Variants in YY1 observed in about 807,000 individuals in gnomAD.
The protein encoded by YY1 is transcriptional repressor protein YY1.
Under a neutral mutation model 35.6 loss-of-function variants are expected in YY1, and 2 were observed. That is an observed-to-expected ratio of 0.06 (90% CI 0.02 to 0.18). The LOEUF (loss-of-function observed/expected upper bound fraction) is 0.18. Among genes scored for constraint, YY1 ranks in the 10% least tolerant of loss-of-function variants. The probability of loss-of-function intolerance (pLI) is 1.00; values close to 1 mark genes in which losing one functional copy is unlikely to be tolerated. For missense variants in YY1, 322 were observed against 573.4 expected, an observed-to-expected ratio of 0.56 and a Z score of 4.48; for synonymous variants, 268 against 238.9, an observed-to-expected ratio of 1.12 and a Z score of -1.12.
At chr14:100,247,050 A>G (rs1890843997) in intron 1 of YY1, among the ~76,000 whole-genome samples, 1 of 152,258 alleles carries the variant, frequency 6.6e-6, no homozygotes, top group Admixed American at 6.5e-5. Flanking sequence ...AATCCGTATC[A>G]GGAAAAGGTC....
chr14:100,251,929 C>A (rs1057086193), intron 1 of YY1, among the ~76,000 whole-genome samples: 7 of 152,050 alleles, frequency 4.6e-5, no homozygotes, highest in Non-Finnish European at 8.8e-5. Flanking sequence ...TGCCTGGCCT[C>A]ATTGTTTAAT....
At chr14:100,241,346 C>T (rs993865661) in intron 1 of YY1, among the ~76,000 whole-genome samples, 2 of 151,998 alleles carry the variant, frequency 1.3e-5, no homozygotes, top group East Asian at 1.9e-4. Context: ...CGTTAAAATT[C>T]GGAGGAATGA....
intron 2 of YY1, among the ~76,000 whole-genome samples, chr14:100,263,379 A>C (rs970239626): frequency 2.6e-5 from 4 of 152,346 alleles, no homozygotes; most frequent in African/African-American, 9.6e-5. Flanking sequence ...TGACAGGAGG[A>C]GATCAAGTAT....
intron 1 of YY1, among the ~76,000 whole-genome samples, chr14:100,241,828 G>C (rs1890747860): frequency 6.6e-6 from 1 of 152,038 alleles, no homozygotes; most frequent in Admixed American, 6.6e-5. Context: ...ATAAAAATTA[G>C]CCAGGCGTGA....
intron 1 of YY1, among the ~76,000 whole-genome samples, chr14:100,261,658 A>T (rs928585165): frequency 2.0e-5 from 3 of 152,228 alleles, no homozygotes; most frequent in Non-Finnish European, 4.4e-5. Context: ...TGGAAATTGC[A>T]TGAATAAACA....
At chr14:100,254,582 C>T (rs1473985022) in intron 1 of YY1, among the ~76,000 whole-genome samples, 3 of 151,974 alleles carry the variant, frequency 2.0e-5, no homozygotes, top group Non-Finnish European at 2.9e-5. Flanking sequence ...CTCAGTCTCC[C>T]GAGTGGCTGG....
intron 2 of YY1, among the ~76,000 whole-genome samples, chr14:100,267,206 C>T (rs759812575): frequency 1.8e-4 from 28 of 151,956 alleles, no homozygotes; most frequent in Non-Finnish European, 3.8e-4. Context: ...AAAAATGGGG[C>T]CTAATTTTGA....
chr14:100,254,368 T>C (rs528448572), intron 1 of YY1, among the ~76,000 whole-genome samples: 12 of 152,336 alleles, frequency 7.9e-5, no homozygotes, highest in South Asian at 4.1e-4. Context: ...AGGTCAAATA[T>C]TGTCCTTTTG....
At chr14:100,255,257 CA>C (rs969615645) in intron 1 of YY1, among the ~76,000 whole-genome samples, 14 of 151,998 alleles carry the variant, frequency 9.2e-5, no homozygotes, top group African/African-American at 2.9e-4. Flanking sequence ...ACAATAACCA[CA>C]AAAATTATTT....
intron 1 of YY1, 145 bp downstream of exon 1, chr14:100,240,068 G>GCGC (rs1890705304): frequency 1.3e-6 from 1 of 752,702 alleles, no homozygotes; most frequent in South Asian, 6.3e-5. Flanking sequence ...GGCGGCGGGG[G>GCGC]CGCGGCGGCG....
At chr14:100,261,851 G>A (rs887973148) in intron 1 of YY1, among the ~76,000 whole-genome samples, 18 of 152,118 alleles carry the variant, frequency 1.2e-4, no homozygotes, top group African/African-American at 4.1e-4. Flanking sequence ...TGGTGTGAGT[G>A]AAAAGCCGAA....
intron 3 of YY1, chr14:100,275,933 T>G (rs1365814063): frequency 6.3e-6 from 1 of 159,224 alleles, no homozygotes; most frequent in African/African-American, 2.4e-5. Flanking sequence ...AAAATAAATT[T>G]CTTCTGTAGT....
rs755096627 is a variant in YY1 at position 100,274,769 on chromosome 14, C to G, written c.903+11C>G. 1.9e-6 allele frequency: 3 copies of G among 1,611,824 alleles called. No homozygotes were observed. The highest frequency in any genetic ancestry group is 2.5e-6 in the Non-Finnish European group (3 of 1,178,106). On this transcript the variant is annotated intron_variant, in intron 3 of 4. Transcript: ENST00000262238. ...GCTTGCCCTCATAAAGTAAGTAATG[C>G]TAGAGGGAGAGTGTTCATTAAACTG...
intron 2 of YY1, among the ~76,000 whole-genome samples, chr14:100,265,911 G>A (rs529323466): frequency 2.2e-4 from 34 of 152,076 alleles, no homozygotes; most frequent in African/African-American, 8.0e-4. Flanking sequence ...CCTCCCAAAG[G>A]GCTGGGATTA....
intron 1 of YY1, among the ~76,000 whole-genome samples, chr14:100,241,656 A>G (rs1399942668): frequency 1.3e-5 from 2 of 152,228 alleles, no homozygotes; most frequent in Non-Finnish European, 2.9e-5. Flanking sequence ...TCAAGAGATT[A>G]CATACTGATC....
intron 2 of YY1, among the ~76,000 whole-genome samples, chr14:100,269,717 G>A (rs1891206419): frequency 6.6e-6 from 1 of 152,126 alleles, no homozygotes; most frequent in African/African-American, 2.4e-5. Flanking sequence ...GATTTGCCAA[G>A]GAGCTTAAGA....
intron 1 of YY1, among the ~76,000 whole-genome samples, chr14:100,258,179 C>T (rs1202992524): frequency 1.3e-5 from 2 of 152,010 alleles, no homozygotes; most frequent in Non-Finnish European, 2.9e-5. Context: ...AAATAGCTCC[C>T]TTGGCCACCA....
chr14:100,245,013 T>C (rs1890810604), intron 1 of YY1, among the ~76,000 whole-genome samples: 2 of 152,134 alleles, frequency 1.3e-5, no homozygotes, highest in South Asian at 4.1e-4. Flanking sequence ...CTCGGCTCAC[T>C]GCAAGCTCCA....
At chr14:100,251,690 A>G (rs1890927192) in intron 1 of YY1, among the ~76,000 whole-genome samples, 1 of 152,182 alleles carries the variant, frequency 6.6e-6, no homozygotes, top group Non-Finnish European at 1.5e-5. Flanking sequence ...GATGATTGGC[A>G]TTTAACATGT....
Sources: gnomAD v4.1 joint callset for allele counts (sites outside exome capture counted in the v4.1 genomes callset) on GRCh38, gnomAD v4.1.1 for gene constraint, MANE v1.5 for transcripts, NCBI Gene and HGNC (gene_info 2026-07-23, HGNC 2026-07-21) for gene names.